The following BMPR1B variants were observed in gnomAD, a reference collection of about 807,000 sequenced individuals.
The protein encoded by BMPR1B is bone morphogenetic protein receptor type 1B, also known as bone morphogenetic protein receptor type-1B.
A neutral mutation model predicts 59.1 loss-of-function variants in BMPR1B; 12 were observed. The ratio of observed to expected loss-of-function variants is 0.20; its 90% confidence interval spans 0.13 to 0.33. The LOEUF (loss-of-function observed/expected upper bound fraction) is 0.33. Ranked by LOEUF, BMPR1B falls within the 10% of genes least tolerant of loss-of-function variation. BMPR1B has a pLI of 1.00. For synonymous variants in BMPR1B, 237 were observed against 207.3 expected, an observed-to-expected ratio of 1.14 and a Z score of -1.23; for missense variants, 550 against 610.9, an observed-to-expected ratio of 0.90 and a Z score of 1.05.
intron 1 of BMPR1B, among the ~76,000 whole-genome samples, chr4:94,780,656 A>G (rs573330182): frequency 2.4e-4 from 35 of 148,564 alleles, no homozygotes; most frequent in Non-Finnish European, 4.0e-4. Flanking sequence ...CAGTTTCTCT[A>G]CATCCTCATC....
At chr4:94,780,924 G>A (rs1414120054) in intron 1 of BMPR1B, among the ~76,000 whole-genome samples, 1 of 151,956 alleles carries the variant, frequency 6.6e-6, no homozygotes, top group Non-Finnish European at 1.5e-5. Flanking sequence ...TCCTGACCTT[G>A]TGATCCACCC....
chr4:94,840,119 G>C (rs1332896476), intron 1 of BMPR1B, among the ~76,000 whole-genome samples: 1 of 150,366 alleles, frequency 6.7e-6, no homozygotes, highest in Non-Finnish European at 1.5e-5. Flanking sequence ...TAGAGTTTCT[G>C]CTGAGAGATC....
chr4:95,122,714 T>C (rs1054067629), intron 6 of BMPR1B, among the ~76,000 whole-genome samples: 1 of 152,180 alleles, frequency 6.6e-6, no homozygotes, highest in African/African-American at 2.4e-5. Context: ...TTTTTCTTCA[T>C]GTAACATATA....
intron 1 of BMPR1B, among the ~76,000 whole-genome samples, chr4:94,875,543 G>C (rs548934761): frequency 2.2e-3 from 335 of 152,310 alleles, no homozygotes; most frequent in African/African-American, 7.5e-3. Flanking sequence ...AATTAGCCAT[G>C]TGTAGTGGCG....
chr4:95,030,014 T>C (rs1283321764), intron 3 of BMPR1B, among the ~76,000 whole-genome samples: 1 of 151,862 alleles, frequency 6.6e-6, no homozygotes, highest in Non-Finnish European at 1.5e-5. Flanking sequence ...TTCTGGATAT[T>C]AGCCCTTTGT....
intron 3 of BMPR1B, among the ~76,000 whole-genome samples, chr4:95,000,537 G>GAGAA: frequency 6.6e-6 from 1 of 151,946 alleles, no homozygotes; most frequent in African/African-American, 2.4e-5. Context: ...GAGAGAAAGA[G>GAGAA]AGAAAGAAAG....
chr4:95,043,107 G>A (rs930310293), intron 3 of BMPR1B, among the ~76,000 whole-genome samples: 19 of 147,238 alleles, frequency 1.3e-4, no homozygotes, highest in East Asian at 6.0e-4. Flanking sequence ...CCCGGGAAGC[G>A]GAGCTTGCAG....
intron 3 of BMPR1B, among the ~76,000 whole-genome samples, chr4:95,051,106 C>G (rs1227880200): frequency 2.0e-5 from 3 of 152,272 alleles, no homozygotes; most frequent in African/African-American, 7.2e-5. Flanking sequence ...CATATCTGTG[C>G]ACTTGATTCA....
intron 3 of BMPR1B, among the ~76,000 whole-genome samples, chr4:95,086,527 A>G (rs953686414): frequency 3.3e-5 from 5 of 152,186 alleles, no homozygotes; most frequent in African/African-American, 9.6e-5. Context: ...TGAATATTTT[A>G]TTGTTGTTCA....
intron 1 of BMPR1B, among the ~76,000 whole-genome samples, chr4:94,770,129 G>T (rs973490988): frequency 2.9e-5 from 4 of 139,248 alleles, no homozygotes; most frequent in African/African-American, 1.1e-4. Flanking sequence ...TGACCATCCT[G>T]TCGTTCACCT....
At chr4:95,151,984 G>A (rs947386437) in intron 11 of BMPR1B, among the ~76,000 whole-genome samples, 1 of 152,010 alleles carries the variant, frequency 6.6e-6, no homozygotes. Flanking sequence ...TTATGAAGAT[G>A]CTATAGATTT....
At chr4:94,868,172 CT>C (rs1198090327) in intron 1 of BMPR1B, among the ~76,000 whole-genome samples, 2 of 148,382 alleles carry the variant, frequency 1.3e-5, no homozygotes, top group African/African-American at 2.5e-5. Context: ...CTTACTTCTT[CT>C]TTTTTTTTCT....
At chr4:94,780,367 T>C (rs1056196148) in intron 1 of BMPR1B, among the ~76,000 whole-genome samples, 6 of 152,224 alleles carry the variant, frequency 3.9e-5, no homozygotes, top group Admixed American at 2.6e-4. Flanking sequence ...TTCATTTTCA[T>C]TGCCAGATAA....
At chr4:95,005,551 C>G (rs939720068) in intron 3 of BMPR1B, among the ~76,000 whole-genome samples, 1 of 152,022 alleles carries the variant, frequency 6.6e-6, no homozygotes, top group Non-Finnish European at 1.5e-5. Flanking sequence ...CTCTGTGTTT[C>G]CCTCCTCCCC....
chr4:95,154,498 A>G, intron 12 of BMPR1B, 50 bp from the exon 13 acceptor site: 2 of 1,612,924 alleles, frequency 1.2e-6, no homozygotes, highest in Middle Eastern at 3.3e-4. Context: ...ACATTGTAAC[A>G]GGTGCCAGCC....
rs1159868806 is a variant in BMPR1B, at chr4:94,770,182, GTTTGTTTT to G, written c.-183+12118_-183+12125del. Among the ~76,000 whole-genome samples, 4 of 40,016 alleles carry G rather than the reference GTTTGTTTT, an allele frequency of 1.0e-4. 1 individual carries two copies. The highest frequency in any genetic ancestry group is 3.5e-4 in the African/African-American group (4 of 11,500). The allele number at this position is 40,016 out of a possible 152,430, so 26.3% of individuals were successfully genotyped here. On this transcript the variant is annotated intron_variant, in intron 1 of 12. Coordinates refer to ENST00000515059, the MANE Select transcript of BMPR1B (RefSeq NM_001203.3). ...TGTTTGAATTGTCCTTCGTTTCTGT[GTTTGTTTT>G]TTTTTTTTTTTTTTGCGAAAGCAAG...
chr4:94,870,384 G>GATTTTCTGAAATGTTTTAATGAA (rs1560524875), intron 1 of BMPR1B, among the ~76,000 whole-genome samples: 3 of 99,314 alleles, frequency 3.0e-5, no homozygotes, highest in South Asian at 3.3e-4. Flanking sequence ...TTCCTGCCAA[G>GATTTTCTGAAATGTTTTAATGAA]AGAGAGAGAG....
At chr4:95,003,147 AAT>A (rs1578909674) in intron 3 of BMPR1B, among the ~76,000 whole-genome samples, 1 of 152,120 alleles carries the variant, frequency 6.6e-6, no homozygotes, top group Non-Finnish European at 1.5e-5. Flanking sequence ...ATATTTTCTC[AAT>A]ATCTTTTGAA....
intron 1 of BMPR1B, among the ~76,000 whole-genome samples, chr4:94,777,059 G>A (rs1488270831): frequency 6.6e-6 from 1 of 151,962 alleles, no homozygotes; most frequent in African/African-American, 2.4e-5. Context: ...ATACTCATTT[G>A]TATCTATTTT....
Sources: allele counts gnomAD v4.1 joint callset (sites outside exome capture counted in the v4.1 genomes callset), GRCh38; gene constraint gnomAD v4.1.1; transcripts MANE v1.5; gene names NCBI Gene and HGNC (gene_info 2026-07-23, HGNC 2026-07-21).